TBXT: variants seen among roughly 807,000 people sequenced by gnomAD.
The protein encoded by TBXT is T-box transcription factor T, also known as T brachyury transcription factor.
A neutral mutation model predicts 41.1 loss-of-function variants in TBXT; 19 were observed. The ratio of observed to expected loss-of-function variants is 0.46; its 90% CI spans 0.32 to 0.68. The LOEUF (loss-of-function observed/expected upper bound fraction) is 0.68, where lower values mean the gene tolerates loss of function less well. Among genes scored for constraint, TBXT ranks in the 30% least tolerant of loss-of-function variants. The probability of loss-of-function intolerance (pLI) is 0.03; values close to 1 mark genes in which losing one functional copy is unlikely to be tolerated. For synonymous variants in TBXT, 213 were observed against 238.9 expected (o/e 0.89, Z 1.00); for missense variants, 536 against 582.0 (o/e 0.92, Z 0.81).
At position 166,158,431 on chromosome 6, in the gene TBXT, A is replaced by T; in HGVS notation, c.1195T>A (p.Ser399Thr). ...GCGGCCGCCCCTTCGTACAGTGGGGATCCCGAGGAAGAGGGCGCCGAGACC... is the reference window on the plus strand; with the variant it reads ...GCGGCCGCCCCTTCGTACAGTGGGGTTCCCGAGGAAGAGGGCGCCGAGACC... ...HPVSAPSSSG[S>T]PLYEGAAAAT... Residue 399 changes from serine to threonine, a missense_variant, in exon 8 of 8, where the codon TCC (serine) becomes ACC (threonine). Physicochemically the swap from Ser to Thr is moderately conservative, Grantham distance 58. Transcript: ENST00000366876. The T allele has an allele frequency of 6.2e-7, 1 of 1,614,138 alleles. No individual in the cohort carries two copies. The highest frequency in any genetic ancestry group is 8.5e-7 in the Non-Finnish European group (1 of 1,180,014).
chr6:166,165,822 G>A lies in TBXT; in HGVS notation c.490C>T (p.His164Tyr). ...ATGTGGATTCGAGGCTCATACTTAT[G>A]CAAGGAGTTCAGCATGATCTGAGGG... ...GGGQIMLNSL[H>Y]KYEPRIHIVR... Residue 164 changes from histidine to tyrosine, a missense_variant, in exon 3 of 8, where the codon CAT becomes TAT. Transcript: ENST00000366876. 1 of 1,614,174 alleles carries A rather than the reference G, an allele frequency of 6.2e-7. No homozygotes were observed. Among genetic ancestry groups the A allele is most frequent in the Non-Finnish European group, 8.5e-7 (1 of 1,180,040 alleles).
Position 166,167,261 on chromosome 6 carries a change from G to C in TBXT, c.206+125C>G. Reference sequence around the variant, plus strand: ...AATGCACTCGAGGGAGTTAACCAGAGCGGGAACAAACACAAAGCCCTCCTC... The same window carrying C: ...AATGCACTCGAGGGAGTTAACCAGACCGGGAACAAACACAAAGCCCTCCTC... On this transcript the variant is annotated intron_variant, in intron 1 of 7. Coordinates refer to ENST00000366876, the MANE Select transcript of TBXT (RefSeq NM_001366285.2). 5 of 1,101,930 alleles carry C rather than the reference G, an allele frequency of 4.5e-6. No individual in the cohort carries two copies. The South Asian group carries it at 6.8e-5, about 15-fold the overall frequency. The allele number at this position is 1,101,930 out of a possible 1,614,324, so 68.3% of individuals were successfully genotyped here. A position where few individuals can be genotyped will look rare whatever the true frequency, so the allele number is the denominator to read the frequency against.
intron 7 of TBXT, among the ~76,000 whole-genome samples, chr6:166,160,425 C>G (rs1778918900): frequency 6.6e-6 from 1 of 152,166 alleles, no homozygotes; most frequent in Non-Finnish European, 1.5e-5. Flanking sequence ...CCCCAACAAC[C>G]CTGTAGGAGA....
intron 5 of TBXT, among the ~76,000 whole-genome samples, chr6:166,164,236 A>C (rs534979972): frequency 1.3e-5 from 2 of 152,208 alleles, no homozygotes; most frequent in South Asian, 4.1e-4. Flanking sequence ...CATTGGAAAG[A>C]TGGCTCTTCA....
At chr6:166,163,065 C>T (rs1779006920) in intron 5 of TBXT, among the ~76,000 whole-genome samples, 1 of 152,208 alleles carries the variant, frequency 6.6e-6, no homozygotes, top group South Asian at 2.1e-4. Flanking sequence ...GCTGTTTCCT[C>T]CTGAGAATCC....
chr6:166,167,368 C>A lies in TBXT; in HGVS notation c.206+18G>T. 6.2e-7 allele frequency: 1 copy of A among 1,611,772 alleles called. No individual in the cohort carries two copies. Among genetic ancestry groups the A allele is most frequent in the Admixed American group, 1.7e-5 (1 of 59,992 alleles). The stretch of plus-strand genomic sequence containing the variant: ...CGCTGGAGAGCGCGGCGCGCGCGGG[C>A]TCCGGACGCGCACCCACCTGCCGTT... On this transcript the variant is annotated intron_variant, in intron 1 of 7. Transcript: ENST00000366876.
At chr6:166,161,050 A>G (rs1778941495) in intron 6 of TBXT, 84 bp from the exon 7 acceptor site, 1 of 1,554,328 alleles carries the variant, frequency 6.4e-7, no homozygotes, top group African/African-American at 1.4e-5. Flanking sequence ...CCAATAACTG[A>G]AGCTACGTAA....
In TBXT at chr6:166,160,957, T is replaced by C; in HGVS notation, c.917A>G (p.Asp306Gly). ...CATGGATAAACATGCAGGTGAGTTG[T>C]CAGAATAGGCTAAGGGGGGAAGGTA... ...AHRNNSPTYS[D>G]NSPACLSMLQ... Residue 306 changes from aspartate (D) to glycine (G), a missense_variant, in exon 7 of 8, where the codon GAC (aspartate) becomes GGC (glycine). Transcript: ENST00000366876. 6.2e-7 allele frequency: 1 copy of C among 1,613,948 alleles called. No homozygotes were observed. The highest frequency in any genetic ancestry group is 8.5e-7 in the Non-Finnish European group (1 of 1,179,976).
intron 5 of TBXT, 117 bp downstream of exon 5, chr6:166,164,488 T>A (rs1458548627): frequency 1.6e-6 from 2 of 1,252,476 alleles, no homozygotes; most frequent in Admixed American, 3.4e-5. Flanking sequence ...AAAAAGGCAA[T>A]CTTACATCCC....
At position 166,167,559 on chromosome 6, in the gene TBXT, C is replaced by T; in HGVS notation, c.33G>A (p.Lys11=). Residue 11 remains lysine, a synonymous_variant, in exon 1 of 8, where the codon AAG becomes AAA. Coordinates refer to ENST00000366876, the MANE Select transcript of TBXT (RefSeq NM_001366285.2). MSSPGTESAG[K]SLQYRVDHLL... ...GGTGGTCCACTCGGTACTGCAGGCT[C>T]TTTCCCGCGCTCTCGGTGCCAGGGG... The T allele has an allele frequency of 6.3e-7, 1 of 1,581,768 alleles. No individual in the cohort carries two copies. The highest frequency in any genetic ancestry group is 8.6e-7 in the Non-Finnish European group (1 of 1,169,456).
At chr6:166,159,255 A>G (rs555876864) in intron 7 of TBXT, among the ~76,000 whole-genome samples, 1 of 152,386 alleles carries the variant, frequency 6.6e-6, no homozygotes, top group East Asian at 1.9e-4. Context: ...GATAGTCTCA[A>G]CCAAAAGTTA....
At chr6:166,164,075 G>A (rs1008511698) in intron 5 of TBXT, among the ~76,000 whole-genome samples, 1 of 152,182 alleles carries the variant, frequency 6.6e-6, no homozygotes, top group African/African-American at 2.4e-5. Context: ...CCCAACAAAT[G>A]CTGCCGTATA....
chr6:166,164,387 G>A (rs1376743854), intron 5 of TBXT, among the ~76,000 whole-genome samples: 1 of 152,180 alleles, frequency 6.6e-6, no homozygotes, highest in Non-Finnish European at 1.5e-5. Flanking sequence ...CAAAACAAAA[G>A]CACCCAGGAG....
At chr6:166,168,007 G>C, upstream of TBXT, 1 of 253,060 alleles carries the variant, frequency 4.0e-6, no homozygotes, top group Non-Finnish European at 7.7e-6. Context: ...CTGGGAGGCC[G>C]GGGGCCAACA....
chr6:166,159,310 A>G (rs1442679393), intron 7 of TBXT, among the ~76,000 whole-genome samples: 1 of 150,642 alleles, frequency 6.6e-6, no homozygotes, highest in Non-Finnish European at 1.5e-5. Context: ...AGGACACCCC[A>G]CCCCCACCAC....
Position 166,157,955 on chromosome 6 carries a change from C to T in TBXT, c.*360G>A, listed in dbSNP as rs1056053. The stretch of plus-strand genomic sequence containing the variant: ...ACTAAAGTAGGACTGGTGGAGTTTA[C>T]AAATTCTGGTGTGCCAAAGTTGCCA... On this transcript the variant is annotated 3_prime_UTR_variant, in exon 8 of 8. Transcript: ENST00000366876. 239,525 of 371,254 alleles carry T rather than the reference C, an allele frequency of 0.65. 78,732 individuals carry two copies. The highest frequency in any genetic ancestry group is 0.84 in the East Asian group (13,855 of 16,574). 23.0% of individuals were successfully genotyped at this position (371,254 alleles called of 1,614,324 possible).
chr6:166,168,054 G>T (rs954531179), upstream of TBXT, among the ~76,000 whole-genome samples: 1 of 152,054 alleles, frequency 6.6e-6, no homozygotes, highest in Non-Finnish European at 1.5e-5. Context: ...TAAATCCGGG[G>T]CCCCAGCCCT....
chr6:166,163,268 A>G (rs1779014068), intron 5 of TBXT, among the ~76,000 whole-genome samples: 1 of 152,008 alleles, frequency 6.6e-6, no homozygotes, highest in Non-Finnish European at 1.5e-5. Flanking sequence ...AGCTGGGGGT[A>G]GACCCTTTTA....
chr6:166,165,838 G>C lies in TBXT; in HGVS notation c.474C>G (p.Ile158Met), dbSNP rs368405992. The C allele has an allele frequency of 3.1e-6, 5 of 1,614,058 alleles. No homozygotes were observed. ...CATACTTATGCAAGGAGTTCAGCAT[G>C]ATCTGAGGGAGACAGATACAGGATT... ...LTNKLNGGGQ[I>M]MLNSLHKYEP... The change falls in exon 3 of 8, where the codon ATC (isoleucine) becomes ATG (methionine). Residue 158 changes from isoleucine (I) to methionine (M), a missense_variant and splice_region_variant. Coordinates refer to ENST00000366876, the MANE Select transcript of TBXT (RefSeq NM_001366285.2).
Sources: gnomAD v4.1 joint callset for allele counts (sites outside exome capture counted in the v4.1 genomes callset) on GRCh38, gnomAD v4.1.1 for gene constraint, MANE v1.5 for transcripts, NCBI Gene and HGNC (gene_info 2026-07-23, HGNC 2026-07-21) for gene names.